PARP15: variants seen among roughly 807,000 people sequenced by gnomAD.
PARP15 encodes the protein protein mono-ADP-ribosyltransferase PARP15.
In PARP15, 50 loss-of-function variants were observed where a neutral mutation model predicts 62.1. The observed-to-expected ratio is 0.81, with a 90% confidence interval of 0.64 to 1.02. The LOEUF is 1.02. PARP15 is among the 50% of genes least tolerant of loss of function. PARP15 has a pLI of 0.00. For missense variants in PARP15, 820 were observed against 826.5 expected (o/e 0.99, Z 0.10); for synonymous variants, 309 against 293.1 (o/e 1.05, Z -0.55).
chr3:122,622,145 C>T (rs1458476088), intron 8 of PARP15, among the ~76,000 whole-genome samples: 1 of 152,174 alleles, frequency 6.6e-6, no homozygotes, highest in African/African-American at 2.4e-5. Context: ...CAAGTTTGGT[C>T]CTTAACTTCA....
chr3:122,608,233 T>TTC (rs1553730643), intron 2 of PARP15, among the ~76,000 whole-genome samples: 1 of 146,628 alleles, frequency 6.8e-6, no homozygotes, highest in African/African-American at 2.6e-5. Context: ...TTTTTTTTTT[T>TTC]TGATACTGAG....
intron 6 of PARP15, among the ~76,000 whole-genome samples, chr3:122,618,262 C>T (rs1001208691): frequency 3.3e-5 from 5 of 152,110 alleles, no homozygotes; most frequent in African/African-American, 1.2e-4. Flanking sequence ...TGAATCTATG[C>T]ATTTATCCCT....
chr3:122,613,235 T>C lies in PARP15; in HGVS notation c.738T>C (p.Phe246=). Residue 246 remains phenylalanine, a synonymous_variant, in exon 4 of 12, where the codon TTT becomes TTC. Coordinates refer to ENST00000464300, the MANE Select transcript of PARP15 (RefSeq NM_001113523.3). ...PITSPLQEVH[F]LVYTNDDEGC... ...CTAGCCCTTTACAAGAAGTCCACTTTCTGGTATATACAAATGACGATGAAG... is the reference window on the plus strand; with the variant it reads ...CTAGCCCTTTACAAGAAGTCCACTTCCTGGTATATACAAATGACGATGAAG... The C allele has an allele frequency of 6.4e-7, 1 of 1,550,764 alleles. No homozygotes were observed. Among genetic ancestry groups the C allele is most frequent in the Non-Finnish European group, 8.7e-7 (1 of 1,145,878 alleles).
chr3:122,617,273 T>A, intron 6 of PARP15, 109 bp downstream of exon 6: 1 of 1,198,224 alleles, frequency 8.3e-7, no homozygotes, highest in Non-Finnish European at 1.2e-6. Context: ...AGAAAATATG[T>A]GGTCTCTGAA....
At chr3:122,614,894 G>T (rs901831875) in intron 4 of PARP15, among the ~76,000 whole-genome samples, 1 of 152,024 alleles carries the variant, frequency 6.6e-6, no homozygotes, top group East Asian at 1.9e-4. Context: ...GCCGGGCGTG[G>T]TGGTGTACAT....
chr3:122,629,769 C>T (rs1936956259), intron 9 of PARP15, among the ~76,000 whole-genome samples: 1 of 152,116 alleles, frequency 6.6e-6, no homozygotes, highest in South Asian at 2.1e-4. Flanking sequence ...TGATGGGAGA[C>T]AGTGTCAGAT....
At chr3:122,627,924 C>A (rs1936835059) in intron 9 of PARP15, among the ~76,000 whole-genome samples, 1 of 152,236 alleles carries the variant, frequency 6.6e-6, no homozygotes, top group South Asian at 2.1e-4. Context: ...GTCCATCTTA[C>A]ACTGGCTTAA....
rs755706265 is a variant in PARP15 at position 122,617,169 on chromosome 3, T to A, written c.1000+5T>A. 6.2e-7 allele frequency: 1 copy of A among 1,609,380 alleles called. No individual in the cohort carries two copies. ...GGACATTTAATCGGAAATCAGGTACTTTATTTAAGCAATATATTGTAATTA... is the reference window on the plus strand; with the variant it reads ...GGACATTTAATCGGAAATCAGGTACATTATTTAAGCAATATATTGTAATTA... On this transcript the variant is annotated splice_donor_5th_base_variant and intron_variant, in intron 6 of 11. Coordinates refer to ENST00000464300, the MANE Select transcript of PARP15 (RefSeq NM_001113523.3).
rs1469333931 is a variant in PARP15, at chr3:122,613,173, G to A, written c.676G>A (p.Glu226Lys). Residue 226 changes from glutamate to lysine, a missense_variant, in exon 4 of 12, where the codon GAA becomes AAA. Glu to Lys is a moderately conservative substitution (Grantham distance 56). Around this residue, in one of 3 missense-constraint regions of PARP15, gnomAD observed 731 missense variants for 727.7 expected, o/e 1.00. Transcript: ENST00000464300. ...KAVFAKLILS[E>K]VFEYSSSTRP... ...TGTTTTTGCTAAACTAATCCTTTCAGAAGTGTTCGAATACAGTAGCAGCAC... is the reference window on the plus strand; with the variant it reads ...TGTTTTTGCTAAACTAATCCTTTCAAAAGTGTTCGAATACAGTAGCAGCAC... 2 of 1,551,768 alleles carry A rather than the reference G, an allele frequency of 1.3e-6. No individual in the cohort carries two copies. Among genetic ancestry groups the A allele is most frequent in the African/African-American group, 2.7e-5 (2 of 73,174 alleles).
intron 1 of PARP15, among the ~76,000 whole-genome samples, chr3:122,591,764 C>CAAAAAA (rs66536667): frequency 0.068 from 6,955 of 102,928 alleles, 453 homozygotes; most frequent in Middle Eastern, 0.098. Flanking sequence ...GACTCTGTCT[C>CAAAAAA]AAAAAAAAAA....
intron 4 of PARP15, among the ~76,000 whole-genome samples, chr3:122,614,411 G>C (rs2107546472): frequency 6.6e-6 from 1 of 152,256 alleles, no homozygotes; most frequent in African/African-American, 2.4e-5. Flanking sequence ...GGTCTTTCCA[G>C]AGATGTTTCC....
In PARP15 at chr3:122,636,153, C is replaced by A; in HGVS notation, c.*53C>A. 2 of 1,518,956 alleles carry A rather than the reference C, an allele frequency of 1.3e-6. No homozygotes were observed. The highest frequency in any genetic ancestry group is 1.2e-5 in the South Asian group (1 of 80,560). 94.1% of individuals were successfully genotyped at this position (1,518,956 alleles called of 1,614,324 possible). A position where few individuals can be genotyped will look rare whatever the true frequency, so the allele number is the denominator to read the frequency against. ...TTAAGTCATCTGTAAGAACAACATGCAATCTTTGTCTTTGCTTCTGGCCTG... is the reference window on the plus strand; with the variant it reads ...TTAAGTCATCTGTAAGAACAACATGAAATCTTTGTCTTTGCTTCTGGCCTG... On this transcript the variant is annotated 3_prime_UTR_variant, in exon 12 of 12. Coordinates refer to ENST00000464300, the MANE Select transcript of PARP15 (RefSeq NM_001113523.3).
intron 8 of PARP15, among the ~76,000 whole-genome samples, chr3:122,624,907 AT>A (rs1936598937): frequency 6.6e-6 from 1 of 152,110 alleles, no homozygotes; most frequent in South Asian, 2.1e-4. Flanking sequence ...CTGTGTCCCC[AT>A]TTTGTAGATG....
At chr3:122,611,116 C>T (rs1401038406) in intron 3 of PARP15, among the ~76,000 whole-genome samples, 1 of 152,088 alleles carries the variant, frequency 6.6e-6, no homozygotes, top group East Asian at 1.9e-4. Context: ...ATGTAATAAT[C>T]TTTCAGTACA....
intron 1 of PARP15, among the ~76,000 whole-genome samples, chr3:122,595,179 T>C (rs9825245): frequency 0.69 from 105,084 of 151,672 alleles, 38,892 homozygotes; most frequent in East Asian, 0.9. Flanking sequence ...GTTTTTTTTT[T>C]CGCAGTAACA....
chr3:122,588,310 A>G (rs569212461), intron 1 of PARP15, among the ~76,000 whole-genome samples: 1 of 152,004 alleles, frequency 6.6e-6, no homozygotes, highest in East Asian at 1.9e-4. Flanking sequence ...TTCTGTTACT[A>G]TGAGCTAATG....
chr3:122,578,064 T>C (rs1456206817), intron 1 of PARP15, among the ~76,000 whole-genome samples: 21 of 151,306 alleles, frequency 1.4e-4, no homozygotes, highest in South Asian at 2.1e-4. Context: ...TTTTTTTTTT[T>C]TCCCTTAAAA....
chr3:122,610,027 T>C (rs1441750228), intron 2 of PARP15, among the ~76,000 whole-genome samples: 2 of 152,216 alleles, frequency 1.3e-5, no homozygotes, highest in Non-Finnish European at 2.9e-5. Flanking sequence ...TTTTGGTATA[T>C]TGTTAAATTC....
chr3:122,612,944 G>A (rs1391886146), intron 3 of PARP15, 97 bp from the exon 4 acceptor site: 13 of 1,057,712 alleles, frequency 1.2e-5, no homozygotes, highest in Non-Finnish European at 1.7e-5. Context: ...GCCAACAATA[G>A]CAGAGAGGTC....
Sources: gnomAD v4.1 joint callset for allele counts (sites outside exome capture counted in the v4.1 genomes callset) on GRCh38, gnomAD v4.1.1 for gene constraint, gnomAD v4.1.1 regional missense constraint, MANE v1.5 for transcripts, NCBI Gene and HGNC (gene_info 2026-07-23, HGNC 2026-07-21) for gene names.